CHN2: variants seen among roughly 807,000 people sequenced by gnomAD.
CHN2 encodes chimerin 2.
In CHN2, 35 loss-of-function variants were observed where a neutral mutation model predicts 56.3. The observed-to-expected ratio is 0.62, with a 90% CI of 0.47 to 0.82. CHN2 has a LOEUF of 0.82. Ranked by LOEUF, CHN2 falls within the 40% of genes least tolerant of loss-of-function variation. The probability of loss-of-function intolerance (pLI) is 0.00; values close to 1 mark genes in which losing one functional copy is unlikely to be tolerated. For synonymous variants in CHN2, 210 were observed against 212.8 expected (o/e 0.99, Z 0.12); for missense variants, 491 against 580.5 (o/e 0.85, Z 1.58).
intron 1 of CHN2, among the ~76,000 whole-genome samples, chr7:29,281,662 A>T (rs887889985): frequency 4.9e-5 from 7 of 141,938 alleles, no homozygotes; most frequent in African/African-American, 1.9e-4. Flanking sequence ...GGGTCAACAT[A>T]TCCAAAGGAT....
chr7:29,492,378 CAT>C (rs1419456005), intron 7 of CHN2, among the ~76,000 whole-genome samples: 2 of 151,902 alleles, frequency 1.3e-5, no homozygotes, highest in Non-Finnish European at 2.9e-5. Flanking sequence ...ATTTGAGTTT[CAT>C]TTAGCTTTTT....
At chr7:29,183,101 T>C (rs1343985136) in intron 2 of CHN2, among the ~76,000 whole-genome samples, 4 of 100,714 alleles carry the variant, frequency 4.0e-5, no homozygotes, top group African/African-American at 1.6e-4. Flanking sequence ...TTTTTTTTTT[T>C]GAAACGGAGT....
chr7:29,352,547 C>T (rs1797966860), intron 1 of CHN2, among the ~76,000 whole-genome samples: 1 of 151,980 alleles, frequency 6.6e-6, no homozygotes, highest in Non-Finnish European at 1.5e-5. Context: ...CGCGGTGAAA[C>T]TCCATCTCTA....
intron 1 of CHN2, among the ~76,000 whole-genome samples, chr7:29,335,379 A>T (rs1438632309): frequency 4.6e-5 from 7 of 152,254 alleles, no homozygotes; most frequent in Admixed American, 3.9e-4. Context: ...AAATGGTCTG[A>T]TAAGGCCCAG....
At chr7:29,443,505 A>G (rs970397890) in intron 6 of CHN2, among the ~76,000 whole-genome samples, 2 of 152,222 alleles carry the variant, frequency 1.3e-5, no homozygotes, top group Non-Finnish European at 2.9e-5. Context: ...TAAGCAATAC[A>G]TGACTATGTG....
At chr7:29,444,760 A>G (rs1431299198) in intron 6 of CHN2, among the ~76,000 whole-genome samples, 1 of 152,292 alleles carries the variant, frequency 6.6e-6, no homozygotes, top group Middle Eastern at 3.4e-3. Flanking sequence ...AGATGAGAGG[A>G]ATTTTTAGTA....
chr7:29,168,860 G>A (rs562190517), intron 2 of CHN2, among the ~76,000 whole-genome samples: 10 of 152,332 alleles, frequency 6.6e-5, no homozygotes, highest in East Asian at 1.9e-4. Flanking sequence ...TTACATATGC[G>A]TGTTTACCAC....
rs369197548 is a variant in CHN2, at chr7:29,480,318, G to T, written c.616G>T (p.Asp206Tyr). Residue 206 changes from aspartate to tyrosine, a missense_variant, in exon 7 of 13, where the codon GAC (aspartate) becomes TAC (tyrosine). Coordinates refer to ENST00000222792, the MANE Select transcript of CHN2 (RefSeq NM_004067.4). The part of the protein sequence containing the change: ...LVRRAALTHN[D>Y]NHFNYEKTHN... ...TCGAAGGGCTGCCCTCACACACAAC[G>T]ACAACCACTTCAATTATGAGAAGAC... 26 of 1,613,990 alleles carry T rather than the reference G, an allele frequency of 1.6e-5. No homozygotes were observed. The highest frequency in any genetic ancestry group is 2.2e-5 in the Non-Finnish European group (26 of 1,180,030).
chr7:29,344,507 A>T (rs1489315355), intron 1 of CHN2, among the ~76,000 whole-genome samples: 1 of 152,070 alleles, frequency 6.6e-6, no homozygotes, highest in Non-Finnish European at 1.5e-5. Flanking sequence ...GCAAGCTGAG[A>T]CACTTCTGGC....
At chr7:29,181,857 C>T (rs1443748254) in intron 2 of CHN2, among the ~76,000 whole-genome samples, 3 of 151,896 alleles carry the variant, frequency 2.0e-5, no homozygotes, top group Non-Finnish European at 4.4e-5. Flanking sequence ...CTGCTAATTC[C>T]TAAGGGGGGG....
chr7:29,339,062 T>C (rs1796837020), intron 1 of CHN2, among the ~76,000 whole-genome samples: 1 of 152,212 alleles, frequency 6.6e-6, no homozygotes, highest in Admixed American at 6.5e-5. Flanking sequence ...AGTTAATTTA[T>C]TTTGAACCCT....
intron 6 of CHN2, among the ~76,000 whole-genome samples, chr7:29,452,302 G>T (rs1017532675): frequency 6.6e-6 from 1 of 152,232 alleles, no homozygotes; most frequent in Admixed American, 6.5e-5. Context: ...ACACAATATC[G>T]CCAGGCTGGG....
intron 12 of CHN2, among the ~76,000 whole-genome samples, chr7:29,511,902 A>G (rs1791483089): frequency 6.6e-6 from 1 of 152,148 alleles, no homozygotes; most frequent in Non-Finnish European, 1.5e-5. Context: ...TTATTCTTAA[A>G]GGCTCTGCAG....
At chr7:29,500,175 A>T (rs563170900) in intron 9 of CHN2, 135 bp downstream of exon 9, 21 of 527,956 alleles carry the variant, frequency 4.0e-5, no homozygotes, top group Non-Finnish European at 4.4e-5. Flanking sequence ...GCACACACAC[A>T]CTCTCTCTCT....
intron 1 of CHN2, among the ~76,000 whole-genome samples, chr7:29,345,742 A>G (rs950796361): frequency 1.3e-5 from 2 of 152,004 alleles, no homozygotes; most frequent in African/African-American, 4.8e-5. Flanking sequence ...GGAGAATCTC[A>G]TCATGCCTCT....
At chr7:29,442,897 C>T (rs903831338) in intron 6 of CHN2, among the ~76,000 whole-genome samples, 16 of 150,706 alleles carry the variant, frequency 1.1e-4, no homozygotes, top group African/African-American at 3.9e-4. Context: ...ATGATTTTCT[C>T]CACTTAATCC....
intron 12 of CHN2, among the ~76,000 whole-genome samples, chr7:29,512,035 C>G (rs942360482): frequency 6.6e-6 from 1 of 152,132 alleles, no homozygotes; most frequent in Admixed American, 6.5e-5. Context: ...CCCCACCCCA[C>G]GATAACGGCC....
At chr7:29,501,216 A>G (rs1789935651) in intron 9 of CHN2, among the ~76,000 whole-genome samples, 1 of 152,230 alleles carries the variant, frequency 6.6e-6, no homozygotes, top group Non-Finnish European at 1.5e-5. Flanking sequence ...GGGGAAAACC[A>G]TAGCTATCCT....
At chr7:29,295,356 A>G (rs1291924009) in intron 1 of CHN2, among the ~76,000 whole-genome samples, 1 of 99,928 alleles carries the variant, frequency 1.0e-5, no homozygotes, top group East Asian at 3.2e-4. Context: ...CAGATTATAA[A>G]CCCATTGAGG....
Sources: gnomAD v4.1 joint callset for allele counts (sites outside exome capture counted in the v4.1 genomes callset) on GRCh38, gnomAD v4.1.1 for gene constraint, MANE v1.5 for transcripts, NCBI Gene and HGNC (gene_info 2026-07-23, HGNC 2026-07-21) for gene names.